Variants in RAB8B observed in about 807,000 individuals in gnomAD.
The protein encoded by RAB8B is ras-related protein Rab-8B.
In RAB8B, 11 loss-of-function variants were observed where a neutral mutation model predicts 32.0. That is an observed-to-expected ratio of 0.34 (90% confidence interval 0.22 to 0.57). The LOEUF is 0.57. Ranked by LOEUF, RAB8B falls within the 20% of genes least tolerant of loss-of-function variation. The pLI, the probability that RAB8B is intolerant of heterozygous loss-of-function variation, is 0.86. For synonymous variants in RAB8B, 103 were observed against 89.6 expected (o/e 1.15, Z -0.85); for missense variants, 190 against 258.5 (o/e 0.73, Z 1.82).
At chr15:63,197,648 A>G (rs2037614366) in intron 1 of RAB8B, among the ~76,000 whole-genome samples, 5 of 152,182 alleles carry the variant, frequency 3.3e-5, no homozygotes, top group Admixed American at 3.3e-4. Flanking sequence ...TGTTAGCATT[A>G]CAGTGAGCCA....
intron 1 of RAB8B, among the ~76,000 whole-genome samples, chr15:63,223,689 C>T (rs8031945): frequency 0.96 from 146,103 of 152,302 alleles, 70,118 homozygotes; most frequent in East Asian, 1. Flanking sequence ...TGAAGACACA[C>T]GACTGTACTT....
chr15:63,262,624 T>A (rs2038211804), intron 6 of RAB8B, 68 bp from the exon 7 acceptor site: 1 of 367,474 alleles, frequency 2.7e-6, no homozygotes, highest in East Asian at 9.7e-5. Context: ...TATATATATG[T>A]GTATATATAT....
chr15:63,208,996 G>A (rs372397699), intron 1 of RAB8B, among the ~76,000 whole-genome samples: 1 of 150,850 alleles, frequency 6.6e-6, no homozygotes, highest in African/African-American at 2.4e-5. Flanking sequence ...GGGTTCAAGC[G>A]ATTCTGCCTC....
intron 3 of RAB8B, among the ~76,000 whole-genome samples, chr15:63,252,525 C>G (rs1026860654): frequency 2.6e-5 from 4 of 152,194 alleles, no homozygotes; most frequent in African/African-American, 9.6e-5. Context: ...TGAAATGAAA[C>G]TTCATGATGA....
At chr15:63,206,357 C>T (rs190021279) in intron 1 of RAB8B, among the ~76,000 whole-genome samples, 24 of 152,096 alleles carry the variant, frequency 1.6e-4, no homozygotes, top group Admixed American at 1.5e-3. Context: ...TAGCCCATAG[C>T]AATCTCCTTA....
At chr15:63,207,387 G>A (rs1184490452) in intron 1 of RAB8B, among the ~76,000 whole-genome samples, 1 of 151,780 alleles carries the variant, frequency 6.6e-6, no homozygotes, top group Non-Finnish European at 1.5e-5. Flanking sequence ...TCCTCTTCCC[G>A]GCCTCTCTCA....
At chr15:63,236,016 G>T (rs1473654161) in intron 1 of RAB8B, among the ~76,000 whole-genome samples, 2 of 152,140 alleles carry the variant, frequency 1.3e-5, no homozygotes, top group Non-Finnish European at 2.9e-5. Flanking sequence ...GCCAAAACTT[G>T]ATTTTAACCT....
At chr15:63,191,081 A>G (rs1488940090) in intron 1 of RAB8B, among the ~76,000 whole-genome samples, 1 of 152,188 alleles carries the variant, frequency 6.6e-6, no homozygotes, top group Non-Finnish European at 1.5e-5. Flanking sequence ...CTCCTGTTAA[A>G]TAGTTGCAGG....
intron 1 of RAB8B, among the ~76,000 whole-genome samples, chr15:63,231,736 T>C (rs1369629647): frequency 1.3e-5 from 2 of 152,168 alleles, no homozygotes; most frequent in East Asian, 1.9e-4. Flanking sequence ...CTTGAGATAA[T>C]GATGAATTAA....
intron 1 of RAB8B, among the ~76,000 whole-genome samples, chr15:63,218,604 A>G (rs990066185): frequency 3.3e-5 from 5 of 152,232 alleles, no homozygotes; most frequent in African/African-American, 4.8e-5. Context: ...TAAAGGGCAT[A>G]GTCCCACTTC....
At position 63,249,680 on chromosome 15, in the gene RAB8B, C is replaced by T; in HGVS notation, c.221C>T (p.Thr74Met). The change falls in exon 3 of 8, where the codon ACG (threonine) becomes ATG (methionine). Residue 74 changes from threonine to methionine, a missense_variant. Transcript: ENST00000321437. ...GGTCAGGAAAGATTCCGAACAATCA[C>T]GACAGCGTACTACAGAGGAGCCATG... ...TAGQERFRTI[T>M]TAYYRGAMGI... 1.9e-6 allele frequency: 3 copies of T among 1,613,862 alleles called. No individual in the cohort carries two copies. Among genetic ancestry groups the T allele is most frequent in the South Asian group, 2.2e-5 (2 of 91,028 alleles).
rs1334636991 is a variant in RAB8B, at chr15:63,264,811, C to T, written c.*1192C>T. On this transcript the variant is annotated 3_prime_UTR_variant, in exon 8 of 8. Transcript: ENST00000321437. The stretch of plus-strand genomic sequence containing the variant: ...AGTCTTGCCTTTTCATTAGAGAAAA[C>T]AGGACCAAGGTTTCAGTTTTCAAAC... 1 of 152,370 alleles carries T rather than the reference C, an allele frequency of 6.6e-6. No individual in the cohort carries two copies. Among genetic ancestry groups the T allele is most frequent in the Non-Finnish European group, 1.5e-5 (1 of 68,028 alleles). The allele number at this position is 152,370 out of a possible 1,614,324, so 9.4% of individuals were successfully genotyped here.
intron 1 of RAB8B, among the ~76,000 whole-genome samples, chr15:63,229,898 A>G (rs1353845358): frequency 2.0e-5 from 3 of 151,942 alleles, no homozygotes; most frequent in Middle Eastern, 6.8e-3. Context: ...GTGAATGGCT[A>G]CATATATAGA....
chr15:63,209,025 G>T (rs2037723942), intron 1 of RAB8B, among the ~76,000 whole-genome samples: 1 of 151,646 alleles, frequency 6.6e-6, no homozygotes, highest in Non-Finnish European at 1.5e-5. Context: ...GAGTAGCTGG[G>T]ATTATAGGTG....
intron 1 of RAB8B, among the ~76,000 whole-genome samples, chr15:63,234,202 C>T (rs1284035479): frequency 1.3e-5 from 2 of 152,114 alleles, no homozygotes; most frequent in African/African-American, 4.8e-5. Context: ...CATCAAGTCA[C>T]AGCTTATGCT....
At chr15:63,249,511 C>G in intron 2 of RAB8B, 134 bp from the exon 3 acceptor site, 1 of 743,456 alleles carries the variant, frequency 1.3e-6, no homozygotes, top group Non-Finnish European at 2.2e-6. Context: ...AGGGCTCCCT[C>G]TGTGTCTCAT....
chr15:63,227,807 TTGTC>T (rs1275400459), intron 1 of RAB8B, among the ~76,000 whole-genome samples: 3 of 152,182 alleles, frequency 2.0e-5, no homozygotes, highest in Non-Finnish European at 2.9e-5. Flanking sequence ...CTTTTGCCCT[TTGTC>T]TGTGTGGGAA....
intron 1 of RAB8B, among the ~76,000 whole-genome samples, chr15:63,241,282 A>C (rs890395971): frequency 2.0e-5 from 3 of 152,168 alleles, no homozygotes; most frequent in African/African-American, 7.2e-5. Flanking sequence ...CCAAGAGGCG[A>C]AGGTTGCGGT....
chr15:63,257,501 A>G (rs931404269), intron 5 of RAB8B, among the ~76,000 whole-genome samples: 1 of 152,038 alleles, frequency 6.6e-6, no homozygotes, highest in African/African-American at 2.4e-5. Flanking sequence ...TCCCGGCCTC[A>G]AGCAATCCAC....
Sources: gnomAD v4.1 joint callset for allele counts (sites outside exome capture counted in the v4.1 genomes callset) on GRCh38, gnomAD v4.1.1 for gene constraint, MANE v1.5 for transcripts, NCBI Gene and HGNC (gene_info 2026-07-23, HGNC 2026-07-21) for gene names.